PHOSPHO1: variants seen among roughly 807,000 people sequenced by gnomAD.
The protein encoded by PHOSPHO1 is phosphoethanolamine/phosphocholine phosphatase 1, also known as phosphoethanolamine/phosphocholine phosphatase.
PHOSPHO1 carries 6 observed loss-of-function variants against 17.7 expected under a neutral mutation model. That is an observed-to-expected ratio of 0.34 (90% CI 0.19 to 0.67). PHOSPHO1 has a LOEUF of 0.67. Among genes scored for constraint, PHOSPHO1 ranks in the 30% least tolerant of loss-of-function variants. PHOSPHO1 has a pLI of 0.69. For synonymous variants in PHOSPHO1, 159 were observed against 174.6 expected (o/e 0.91, Z 0.71); for missense variants, 330 against 392.1 (o/e 0.84, Z 1.34).
At chr17:49,225,161 G>A (rs2043340147) in intron 2 of PHOSPHO1, 157 bp from the exon 3 acceptor site, 1 of 1,433,796 alleles carries the variant, frequency 7.0e-7, no homozygotes, top group African/African-American at 1.4e-5. Context: ...GGTTAAGCTG[G>A]GAGGAGTACC....
intron 2 of PHOSPHO1, 71 bp downstream of exon 2, chr17:49,226,576 C>T: frequency 6.5e-7 from 1 of 1,536,348 alleles, no homozygotes. Flanking sequence ...CTCCCAAGGC[C>T]CTATGGAAAG....
Position 49,224,777 on chromosome 17 carries a change from G to A in PHOSPHO1, c.273C>T (p.Ala91=). The A allele has an allele frequency of 6.3e-7, 1 of 1,599,070 alleles. No individual in the cohort carries two copies. Among genetic ancestry groups the A allele is most frequent in the Non-Finnish European group, 8.5e-7 (1 of 1,173,208 alleles). ...GCGACAAAGGGATGGCTTCGTAGAT[G>A]GCGCTCAGGTCCCGCGGCCGCACGC... is the stretch of plus-strand genomic sequence containing the variant. ...EQGVRPRDLS[A]IYEAIPLSPG... The change falls in exon 3 of 3, where the codon GCC becomes GCT. Residue 91 remains alanine (A), a synonymous_variant. Coordinates refer to ENST00000310544, the MANE Select transcript of PHOSPHO1 (RefSeq NM_178500.4).
rs1161506058 is a variant in PHOSPHO1, at chr17:49,224,246, T to G, written c.804A>C (p.Ter268CysextTer62). ...LHLQQVLKSC[*>C] Reference sequence around the variant, plus strand: ...GGTACCCCCCTGCAGGCGGCCAGACTCAGCACGACTTCAGCACCTGTTGCA... The same window carrying G: ...GGTACCCCCCTGCAGGCGGCCAGACGCAGCACGACTTCAGCACCTGTTGCA... Residue 268 changes from the stop codon to cysteine (C), a stop_lost, in exon 3 of 3, where the codon TGA (stop) becomes TGC (cysteine). Transcript: ENST00000310544. 6.4e-7 allele frequency: 1 copy of G among 1,563,210 alleles called. No homozygotes were observed. Among genetic ancestry groups the G allele is most frequent in the East Asian group, 2.3e-5 (1 of 44,106 alleles).
rs746577338 is a variant in PHOSPHO1 at position 49,224,444 on chromosome 17, G to A, written c.606C>T (p.Gly202=). ...GVHFERLFYV[G]DGANDFCPMG... ...TGGGGCAGAAGTCGTTGGCGCCGTCGCCCACGTAGAAGAGGCGCTCGAAGT... is the reference window on the plus strand; with the variant it reads ...TGGGGCAGAAGTCGTTGGCGCCGTCACCCACGTAGAAGAGGCGCTCGAAGT... Residue 202 remains glycine (G), a synonymous_variant, in exon 3 of 3, where the codon GGC becomes GGT. Transcript: ENST00000310544. The A allele has an allele frequency of 1.0e-5, 16 of 1,556,126 alleles. No homozygotes were observed. The highest frequency in any genetic ancestry group is 1.9e-4 in the Middle Eastern group (1 of 5,286).
intron 2 of PHOSPHO1, 129 bp from the exon 3 acceptor site, chr17:49,225,133 TGAG>T: frequency 7.0e-7 from 1 of 1,438,252 alleles, no homozygotes; most frequent in Non-Finnish European, 9.1e-7. Context: ...ATCCAACACC[TGAG>T]GAGGACCCAA....
rs1299133179 is a variant in PHOSPHO1, at chr17:49,230,595, GGT to G, written c.-197_-196del. The G allele has an allele frequency of 2.0e-5, 3 of 152,362 alleles. No individual in the cohort carries two copies. Among genetic ancestry groups the G allele is most frequent in the Non-Finnish European group, 4.4e-5 (3 of 68,196 alleles). 9.4% of individuals were successfully genotyped at this position (152,362 alleles called of 1,614,324 possible). ...TGCTTACGGGAATTGGAGGGGACGC[GGT>G]GTCTTATCCACCCCCGGATTTCTGG... On this transcript the variant is annotated 5_prime_UTR_variant, in exon 1 of 3. Transcript: ENST00000310544.
At position 49,224,628 on chromosome 17, in the gene PHOSPHO1, A is replaced by G; in HGVS notation, c.422T>C (p.Leu141Pro). The G allele has an allele frequency of 6.3e-7, 1 of 1,583,218 alleles. No individual in the cohort carries two copies. The highest frequency in any genetic ancestry group is 1.3e-5 in the African/African-American group (1 of 74,770). ...SSLRAAGHHS[L>P]FRRILSNPSG... ...CGGGTTGCTGAGGATGCGGCGGAAC[A>G]GGCTGTGGTGGCCGGCGGCGCGCAG... Residue 141 changes from leucine to proline, a missense_variant, in exon 3 of 3, where the codon CTG becomes CCG. Leu to Pro is a moderately conservative substitution (Grantham distance 98, BLOSUM62 -3). Coordinates refer to ENST00000310544, the MANE Select transcript of PHOSPHO1 (RefSeq NM_178500.4).
intron 1 of PHOSPHO1, among the ~76,000 whole-genome samples, chr17:49,227,317 C>G (rs557243749): frequency 6.6e-6 from 1 of 152,286 alleles, no homozygotes; most frequent in Admixed American, 6.5e-5. Flanking sequence ...CACAGATGAT[C>G]TGGGAATGGC....
chr17:49,224,005 T>G lies in PHOSPHO1; in HGVS notation c.*241A>C, dbSNP rs2043321516. The stretch of plus-strand genomic sequence containing the variant: ...GGTTTGCGCGCCACCCCGCGATGGG[T>G]CAGACTCCAGAACTCAACCGTGCAC... On this transcript the variant is annotated 3_prime_UTR_variant, in exon 3 of 3. Coordinates refer to ENST00000310544, the MANE Select transcript of PHOSPHO1 (RefSeq NM_178500.4). The G allele has an allele frequency of 8.3e-6, 4 of 479,212 alleles. No individual in the cohort carries two copies. The highest frequency in any genetic ancestry group is 6.9e-6 in the Non-Finnish European group (2 of 289,974). The allele number at this position is 479,212 out of a possible 1,614,324, so 29.7% of individuals were successfully genotyped here. A position where few individuals can be genotyped will look rare whatever the true frequency, so the allele number is the denominator to read the frequency against.
At chr17:49,225,904 G>T in intron 2 of PHOSPHO1, 1 of 1,133,856 alleles carries the variant, frequency 8.8e-7, no homozygotes, top group South Asian at 1.6e-5. Flanking sequence ...CATTCTAGGG[G>T]ATCTTGGAGA....
rs752244696 is a variant in PHOSPHO1, at chr17:49,224,916, G to A, written c.134C>T (p.Ser45Leu). The A allele has an allele frequency of 1.3e-6, 2 of 1,597,934 alleles. No homozygotes were observed. The highest frequency in any genetic ancestry group is 4.5e-5 in the East Asian group (2 of 44,070). ...ETIVDENSDD[S>L]IVRAAPGQRL... The stretch of plus-strand genomic sequence containing the variant: ...CTGGCCCGGCGCGGCGCGCACGATC[G>A]AATCGTCGCTGTTTTCGTCCACGAT... The change falls in exon 3 of 3, where the codon TCG (serine) becomes TTG (leucine). Residue 45 changes from serine (S) to leucine (L), a missense_variant. Physicochemically the swap from Ser to Leu is moderately radical, Grantham distance 145. Coordinates refer to ENST00000310544, the MANE Select transcript of PHOSPHO1 (RefSeq NM_178500.4).
chr17:49,224,056 TG>T lies in PHOSPHO1; in HGVS notation c.*189del. The T allele has an allele frequency of 1.2e-6, 1 of 820,898 alleles. No individual in the cohort carries two copies. The highest frequency in any genetic ancestry group is 2.2e-5 in the South Asian group (1 of 44,940). 50.9% of individuals were successfully genotyped at this position (820,898 alleles called of 1,614,324 possible). A position where few individuals can be genotyped will look rare whatever the true frequency, so the allele number is the denominator to read the frequency against. ...AGTGGAGTGGGGGAGGCAGCCGAGG[TG>T]GGTTAACTGAATAGATAGGGACGGC... On this transcript the variant is annotated 3_prime_UTR_variant, in exon 3 of 3. Coordinates refer to ENST00000310544, the MANE Select transcript of PHOSPHO1 (RefSeq NM_178500.4).
chr17:49,224,405 C>A lies in PHOSPHO1; in HGVS notation c.645G>T (p.Ala215=). 1 of 1,551,670 alleles carries A rather than the reference C, an allele frequency of 6.4e-7. No homozygotes were observed. Among genetic ancestry groups the A allele is most frequent in the African/African-American group, 1.4e-5 (1 of 73,470 alleles). The change falls in exon 3 of 3, where the codon GCG becomes GCT. Residue 215 remains alanine, a synonymous_variant. Transcript: ENST00000310544. ...GGCGCGGGAAGGCCACGTCGCCGCC[C>A]GCCAGCAGCCCCATGGGGCAGAAGT... The part of the protein sequence containing the change: ...ANDFCPMGLL[A]GGDVAFPRRG...
At chr17:49,226,075 T>G (rs758913563) in intron 2 of PHOSPHO1, among the ~76,000 whole-genome samples, 2 of 151,870 alleles carry the variant, frequency 1.3e-5, no homozygotes, top group Non-Finnish European at 2.9e-5. Flanking sequence ...AGGCAAGCAA[T>G]GGAGGCAGCA....
At chr17:49,225,777 C>G (rs1337291189) in intron 2 of PHOSPHO1, 1 of 1,259,808 alleles carries the variant, frequency 7.9e-7, no homozygotes, top group African/African-American at 1.5e-5. Context: ...CCATGACACA[C>G]CTGGGAGACA....
At chr17:49,226,610 G>T (rs1376787223) in intron 2 of PHOSPHO1, 37 bp downstream of exon 2, 2 of 1,609,738 alleles carry the variant, frequency 1.2e-6, no homozygotes, top group South Asian at 2.2e-5. Flanking sequence ...GGGGGCTGAG[G>T]CCTCATCCTA....
rs148546172 is a variant in PHOSPHO1, at chr17:49,224,842, C to G, written c.208G>C (p.Glu70Gln). 1.2e-6 allele frequency: 2 copies of G among 1,606,426 alleles called. No homozygotes were observed. The highest frequency in any genetic ancestry group is 4.5e-5 in the East Asian group (2 of 44,422). The change falls in exon 3 of 3, where the codon GAG becomes CAG. Residue 70 changes from glutamate to glutamine, a missense_variant. Physicochemically the swap from Glu to Gln is conservative, Grantham distance 29. Coordinates refer to ENST00000310544, the MANE Select transcript of PHOSPHO1 (RefSeq NM_178500.4). The stretch of plus-strand genomic sequence containing the variant: ...TACTTGAAGACGCGCTGCATGTACT[C>G]GTTGTAGAAGCCCTCGCGGTAGGTG... ...RATYREGFYN[E>Q]YMQRVFKYLG... is the part of the protein sequence containing the mutation.
intron 2 of PHOSPHO1, 91 bp downstream of exon 2, chr17:49,226,556 G>A (rs2043359282): frequency 7.3e-7 from 1 of 1,369,710 alleles, no homozygotes; most frequent in Non-Finnish European, 1.0e-6. Flanking sequence ...AAACGGGCTG[G>A]ATAGGGCCTC....
In PHOSPHO1 at chr17:49,225,971, G is replaced by A. The variant is rs552148618; in HGVS notation, c.45+676C>T. Among the ~76,000 whole-genome samples, 14 of 152,076 alleles carry A rather than the reference G, an allele frequency of 9.2e-5. No individual in the cohort carries two copies. The East Asian group carries it at 1.5e-3, about 17-fold the overall frequency. ...TAGGGATAAGGGAGTTCCAGGAAGCGGAGACCTTGGGCCAGATTCTTGTTG... is the reference window on the plus strand; with the variant it reads ...TAGGGATAAGGGAGTTCCAGGAAGCAGAGACCTTGGGCCAGATTCTTGTTG... On this transcript the variant is annotated intron_variant, in intron 2 of 2. Transcript: ENST00000310544.
Sources: gnomAD v4.1 joint callset for allele counts (sites outside exome capture counted in the v4.1 genomes callset) on GRCh38, gnomAD v4.1.1 for gene constraint, MANE v1.5 for transcripts, NCBI Gene and HGNC (gene_info 2026-07-23, HGNC 2026-07-21) for gene names.